The following ARID2 variants were observed in gnomAD, a reference collection of about 807,000 sequenced individuals.
ARID2 encodes AT-rich interaction domain 2.
A neutral mutation model predicts 184.6 loss-of-function variants in ARID2; 32 were observed. The ratio of observed to expected loss-of-function variants is 0.17; its 90% CI spans 0.13 to 0.23. The LOEUF (loss-of-function observed/expected upper bound fraction) is 0.23, where lower values mean the gene tolerates loss of function less well. ARID2 is among the 10% of genes least tolerant of loss of function. The pLI is 1.00. For synonymous variants in ARID2, 836 were observed against 772.6 expected (o/e 1.08, Z -1.36); for missense variants, 1,696 against 2,197.6 (o/e 0.77, Z 4.56).
intron 3 of ARID2, among the ~76,000 whole-genome samples, chr12:45,750,463 A>G (rs1941441734): frequency 6.6e-6 from 1 of 152,230 alleles, no homozygotes; most frequent in Non-Finnish European, 1.5e-5. Context: ...AAGTGAGCAC[A>G]TGGTTTTAAA....
chr12:45,883,652 C>T (rs1385785003), intron 16 of ARID2, among the ~76,000 whole-genome samples: 1 of 150,726 alleles, frequency 6.6e-6, no homozygotes, highest in Non-Finnish European at 1.5e-5. Flanking sequence ...TTTGAGTAAA[C>T]AATTATGTAG....
In ARID2 at chr12:45,850,482, A is replaced by C. The variant is rs2138162380; in HGVS notation, c.2359A>C (p.Thr787Pro). 1 of 1,613,884 alleles carries C rather than the reference A, an allele frequency of 6.2e-7. No homozygotes were observed. The highest frequency in any genetic ancestry group is 8.5e-7 in the Non-Finnish European group (1 of 1,179,938). Residue 787 changes from threonine (T) to proline (P), a missense_variant, in exon 15 of 21, where the codon ACT (threonine) becomes CCT (proline). By Grantham distance (38) the Thr-to-Pro change is conservative. This residue lies in a region of ARID2 where 713 missense variants were observed against 824.4 expected (regional missense o/e 0.86). Coordinates refer to ENST00000334344, the MANE Select transcript of ARID2 (RefSeq NM_152641.4). Reference protein sequence around the residue: ...TVVPGQIPSGTPVTVIQQAVP... With the variant: ...TVVPGQIPSGPPVTVIQQAVP... ...GGTACCAGGACAGATCCCTTCAGGC[A>C]CTCCTGTTACAGTAATTCAACAAGC...
rs1306719789 is a variant in ARID2, at chr12:45,851,376, C to T, written c.3253C>T (p.Pro1085Ser). ...GCTTATTCTCCCAGCTCCACAGATT[C>T]CTCCCCCTAATAATGCAAGAGCTCC... ...GKLILPAPQI[P>S]PPNNARAPSP... is the part of the protein sequence containing the mutation. Residue 1085 changes from proline to serine, a missense_variant, in exon 15 of 21, where the codon CCT becomes TCT. Coordinates refer to ENST00000334344, the MANE Select transcript of ARID2 (RefSeq NM_152641.4). The T allele has an allele frequency of 4.3e-6, 7 of 1,614,126 alleles. No homozygotes were observed. The highest frequency in any genetic ancestry group is 5.9e-6 in the Non-Finnish European group (7 of 1,180,000).
At chr12:45,847,703 G>A (rs577179901) in intron 12 of ARID2, among the ~76,000 whole-genome samples, 5 of 152,064 alleles carry the variant, frequency 3.3e-5, no homozygotes, top group African/African-American at 4.8e-5. Flanking sequence ...TCATGCTCCT[G>A]TCACTCTTTG....
chr12:45,890,785 C>T (rs895825461), intron 16 of ARID2, among the ~76,000 whole-genome samples: 5 of 151,818 alleles, frequency 3.3e-5, no homozygotes, highest in Non-Finnish European at 5.9e-5. Flanking sequence ...ATATTTGTTA[C>T]ACGTTAAAAA....
intron 16 of ARID2, among the ~76,000 whole-genome samples, chr12:45,878,737 G>A (rs984966775): frequency 3.9e-5 from 6 of 152,008 alleles, no homozygotes; most frequent in Admixed American, 6.6e-5. Flanking sequence ...TCTAATGTTA[G>A]CTTTGCCTCT....
chr12:45,753,296 CA>C (rs577425733), intron 3 of ARID2, among the ~76,000 whole-genome samples: 324 of 130,552 alleles, frequency 2.5e-3, no homozygotes, highest in Admixed American at 2.4e-3. Flanking sequence ...AACTCCATCT[CA>C]AAAAAAAAAA....
intron 3 of ARID2, among the ~76,000 whole-genome samples, chr12:45,764,132 A>G (rs1941728262): frequency 1.3e-5 from 2 of 152,094 alleles, no homozygotes; most frequent in African/African-American, 4.8e-5. Context: ...TTCATTTAAG[A>G]CTAGTACACT....
chr12:45,893,745 C>A (rs2136463333), intron 20 of ARID2, 24 bp downstream of exon 20: 1 of 1,475,646 alleles, frequency 6.8e-7, no homozygotes, highest in Non-Finnish European at 9.1e-7. Flanking sequence ...TTTCTGTAGC[C>A]AAAGTGAATT....
chr12:45,788,121 C>T (rs1427104221), intron 3 of ARID2, among the ~76,000 whole-genome samples: 9 of 152,094 alleles, frequency 5.9e-5, no homozygotes, highest in African/African-American at 9.7e-5. Flanking sequence ...AACATTTAAA[C>T]GTAGAACTTT....
At chr12:45,899,633 T>TTATATATATATATATATTTGGTTA (rs1207556055) in intron 20 of ARID2, among the ~76,000 whole-genome samples, 1 of 134,758 alleles carries the variant, frequency 7.4e-6, no homozygotes, top group African/African-American at 2.8e-5. Context: ...ATATATTTGG[T>TTATATATATATATATATTTGGTTA]TATATATATA....
chr12:45,898,981 T>A (rs2136467156), intron 20 of ARID2, among the ~76,000 whole-genome samples: 1 of 151,264 alleles, frequency 6.6e-6, no homozygotes, highest in South Asian at 2.1e-4. Context: ...AAATAAATTT[T>A]AAAAAATCAA....
At chr12:45,786,111 A>G (rs1401152384) in intron 3 of ARID2, among the ~76,000 whole-genome samples, 4 of 152,214 alleles carry the variant, frequency 2.6e-5, no homozygotes, top group South Asian at 2.1e-4. Flanking sequence ...AGTCTTTTAT[A>G]TACTGTGATT....
At position 45,852,184 on chromosome 12, in the gene ARID2, G is replaced by A. The variant is rs1376454522; in HGVS notation, c.4061G>A (p.Arg1354Lys). Residue 1354 changes from arginine to lysine, a missense_variant, in exon 15 of 21, where the codon AGA (arginine) becomes AAA (lysine). Physicochemically the swap from Arg to Lys is conservative, Grantham distance 26. This residue lies in a region of ARID2 where 428 missense variants were observed against 409.1 expected (regional missense o/e 1.05). Coordinates refer to ENST00000334344, the MANE Select transcript of ARID2 (RefSeq NM_152641.4). The stretch of plus-strand genomic sequence containing the variant: ...ATGCAAGATATCAAAAGTGATTTGA[G>A]AAAACCGCTAGTTAATGGAATCTGT... Reference protein sequence around the residue: ...IDMQDIKSDLRKPLVNGICDF... With the variant: ...IDMQDIKSDLKKPLVNGICDF... The A allele has an allele frequency of 4.3e-6, 7 of 1,614,110 alleles. No individual in the cohort carries two copies. The highest frequency in any genetic ancestry group is 2.2e-5 in the South Asian group (2 of 91,084).
chr12:45,851,151 A>G lies in ARID2; in HGVS notation c.3028A>G (p.Lys1010Glu), dbSNP rs2138168314. 1 of 1,614,102 alleles carries G rather than the reference A, an allele frequency of 6.2e-7. No homozygotes were observed. Among genetic ancestry groups the G allele is most frequent in the Non-Finnish European group, 8.5e-7 (1 of 1,179,998 alleles). ...PPTVSQMLSV[K>E]RQQQQQHSPA... is the part of the protein sequence containing the mutation. Reference sequence around the variant, plus strand: ...TACTGTCAGTCAAATGTTATCTGTGAAAAGGCAGCAACAGCAGCAACATTC... The same window carrying G: ...TACTGTCAGTCAAATGTTATCTGTGGAAAGGCAGCAACAGCAGCAACATTC... Residue 1010 changes from lysine (K) to glutamate (E), a missense_variant, in exon 15 of 21, where the codon AAA becomes GAA. By Grantham distance (56) the Lys-to-Glu change is moderately conservative (BLOSUM62 1). This residue lies in a region of ARID2 where 713 missense variants were observed against 824.4 expected (regional missense o/e 0.86). Coordinates refer to ENST00000334344, the MANE Select transcript of ARID2 (RefSeq NM_152641.4).
intron 3 of ARID2, among the ~76,000 whole-genome samples, chr12:45,801,274 T>TG (rs1942496236): frequency 1.3e-5 from 2 of 149,526 alleles, no homozygotes; most frequent in South Asian, 4.2e-4. Context: ...ATAGCGCCAC[T>TG]GCAGTCCGGC....
intron 20 of ARID2, among the ~76,000 whole-genome samples, chr12:45,903,755 G>A (rs940208434): frequency 2.0e-5 from 3 of 151,852 alleles, no homozygotes; most frequent in Admixed American, 6.6e-5. Context: ...CAAAATGTAC[G>A]TGTCTTCATC....
rs2138173777 is a variant in ARID2 at position 45,851,797 on chromosome 12, C to G, written c.3674C>G (p.Ala1225Gly). 2 of 1,614,142 alleles carry G rather than the reference C, an allele frequency of 1.2e-6. No individual in the cohort carries two copies. The highest frequency in any genetic ancestry group is 2.2e-5 in the South Asian group (2 of 91,084). ...QTLPATQASP[A>G]GQSSCTTATP... Reference sequence around the variant, plus strand: ...CTTCCAGCCACTCAAGCATCTCCTGCTGGACAATCATCATGTACTACTGCT... The same window carrying G: ...CTTCCAGCCACTCAAGCATCTCCTGGTGGACAATCATCATGTACTACTGCT... Residue 1225 changes from alanine to glycine, a missense_variant, in exon 15 of 21, where the codon GCT becomes GGT. By Grantham distance (60) the Ala-to-Gly change is moderately conservative (BLOSUM62 0). Coordinates refer to ENST00000334344, the MANE Select transcript of ARID2 (RefSeq NM_152641.4).
At chr12:45,739,899 A>G (rs1941217287) in intron 3 of ARID2, among the ~76,000 whole-genome samples, 1 of 152,208 alleles carries the variant, frequency 6.6e-6, no homozygotes, top group East Asian at 1.9e-4. Flanking sequence ...TAAAAATGGG[A>G]TGAATTTAAC....
Sources: gnomAD v4.1 joint callset for allele counts (sites outside exome capture counted in the v4.1 genomes callset) on GRCh38, gnomAD v4.1.1 for gene constraint, gnomAD v4.1.1 regional missense constraint, MANE v1.5 for transcripts, NCBI Gene and HGNC (gene_info 2026-07-23, HGNC 2026-07-21) for gene names.